PDE1A: variants seen among roughly 807,000 people sequenced by gnomAD.
PDE1A encodes phosphodiesterase 1A.
Under a neutral mutation model 61.7 loss-of-function variants are expected in PDE1A, and 35 were observed. That is an observed-to-expected ratio of 0.57 (90% CI 0.43 to 0.75). The LOEUF (loss-of-function observed/expected upper bound fraction) is 0.75, where lower values mean the gene tolerates loss of function less well. PDE1A is among the 30% of genes least tolerant of loss of function. PDE1A has a pLI of 0.00. For missense variants in PDE1A, 597 were observed against 630.6 expected (o/e 0.95, Z 0.57); for synonymous variants, 232 against 213.2 (o/e 1.09, Z -0.77).
chr2:182,577,185 G>A, the PDE1A span, among the ~76,000 whole-genome samples: 1 of 151,906 alleles, frequency 6.6e-6, no homozygotes. Flanking sequence ...AGAATCTGAA[G>A]CTTAGAATAT....
chr2:182,442,498 A>C (rs553785396), intron 2 of PDE1A, among the ~76,000 whole-genome samples: 14 of 152,216 alleles, frequency 9.2e-5, no homozygotes, highest in Admixed American at 1.3e-4. Flanking sequence ...GTATTAAATT[A>C]TTTGATTTCA....
At chr2:182,314,869 A>G (rs1696236247) in intron 1 of PDE1A, among the ~76,000 whole-genome samples, 1 of 152,170 alleles carries the variant, frequency 6.6e-6, no homozygotes, top group Non-Finnish European at 1.5e-5. Flanking sequence ...CGTTTTTAGA[A>G]AAAGAAACCT....
At chr2:182,218,553 C>T (rs1000615326) in intron 7 of PDE1A, among the ~76,000 whole-genome samples, 2 of 152,180 alleles carry the variant, frequency 1.3e-5, no homozygotes, top group African/African-American at 4.8e-5. Flanking sequence ...CCAACATCTT[C>T]CTAACTTTTA....
At position 182,441,123 on chromosome 2, in the gene PDE1A, G is replaced by A. The variant is rs574353923; in HGVS notation, c.101+81153C>T. ...CATCTTACATGGCAGCAGGCAAGAC[G>A]GCTTGTGCAGGAGAACTCCCATTTA... On this transcript the variant is annotated intron_variant, in intron 2 of 14. Transcript: ENST00000410103. Among the ~76,000 whole-genome samples, 6 of 152,050 alleles carry A rather than the reference G, an allele frequency of 3.9e-5. No homozygotes were observed. The South Asian group carries it at 1.0e-3, about 26-fold the overall frequency.
At chr2:182,650,017 T>A in the PDE1A span, among the ~76,000 whole-genome samples, 1 of 152,124 alleles carries the variant, frequency 6.6e-6, no homozygotes, top group East Asian at 1.9e-4. Flanking sequence ...AGTTTGAGGC[T>A]GCAGTGAGCT....
chr2:182,690,057 A>G, the PDE1A span, among the ~76,000 whole-genome samples: 1 of 152,156 alleles, frequency 6.6e-6, no homozygotes, highest in Non-Finnish European at 1.5e-5. Flanking sequence ...CAACCAAAAA[A>G]AGTCCAGGAC....
the PDE1A span, among the ~76,000 whole-genome samples, chr2:182,686,943 G>A: frequency 6.6e-6 from 1 of 152,088 alleles, no homozygotes; most frequent in African/African-American, 2.4e-5. Context: ...TAGCAAAGCA[G>A]TCTGAGATCA....
chr2:182,384,987 G>A (rs1700945955), intron 1 of PDE1A, among the ~76,000 whole-genome samples: 1 of 152,120 alleles, frequency 6.6e-6, no homozygotes, highest in South Asian at 2.1e-4. Flanking sequence ...ATCAACAGGA[G>A]CTTTACAGGC....
the PDE1A span, among the ~76,000 whole-genome samples, chr2:182,693,090 C>CA: frequency 6.6e-6 from 1 of 151,328 alleles, no homozygotes; most frequent in African/African-American, 2.4e-5. Flanking sequence ...ACCCTGTCTC[C>CA]AAAAAAATAA....
intron 2 of PDE1A, among the ~76,000 whole-genome samples, chr2:182,520,571 A>G (rs1298708060): frequency 1.3e-5 from 2 of 151,990 alleles, no homozygotes; most frequent in African/African-American, 4.8e-5. Flanking sequence ...TCTGAGACCA[A>G]CTGATACAGT....
At chr2:182,406,785 A>G (rs1220212912) in intron 1 of PDE1A, among the ~76,000 whole-genome samples, 1 of 152,130 alleles carries the variant, frequency 6.6e-6, no homozygotes. Flanking sequence ...ATTTTTTAAA[A>G]CTACAGATAT....
chr2:182,168,272 T>G (rs756086084), exon 14 of PDE1A: 2 of 1,596,946 alleles, frequency 1.3e-6, no homozygotes, highest in Admixed American at 1.8e-5. Context: ...CTCACACTTC[T>G]GTGAACTGGT....
the PDE1A span, among the ~76,000 whole-genome samples, chr2:182,542,762 A>T: frequency 1.3e-5 from 2 of 152,316 alleles, no homozygotes. Flanking sequence ...GGCGTATTAA[A>T]GCCAATTGTC....
chr2:182,230,036 C>T (rs770926735), exon 6 of PDE1A: 1 of 1,612,930 alleles, frequency 6.2e-7, no homozygotes, highest in Non-Finnish European at 8.5e-7. Context: ...TTATGTAATG[C>T]ACAGTTTGAG....
chr2:182,354,388 T>G (rs762328770), intron 1 of PDE1A, among the ~76,000 whole-genome samples: 4 of 152,146 alleles, frequency 2.6e-5, no homozygotes, highest in Non-Finnish European at 4.4e-5. Context: ...AGTTTCCCCT[T>G]AAATTAGGAA....
chr2:182,159,047 A>C (rs1416305376), intron 13 of PDE1A, among the ~76,000 whole-genome samples: 1 of 152,214 alleles, frequency 6.6e-6, no homozygotes, highest in East Asian at 1.9e-4. Context: ...GGGAAGCTGA[A>C]GAGTTTGGGC....
At chr2:182,523,386 T>C (rs2125994418), upstream of PDE1A, among the ~76,000 whole-genome samples, 1 of 152,090 alleles carries the variant, frequency 6.6e-6, no homozygotes, top group East Asian at 1.9e-4. Flanking sequence ...AGAGTGGACA[T>C]AAAAGGAATC....
the PDE1A span, among the ~76,000 whole-genome samples, chr2:182,568,644 G>A: frequency 6.6e-6 from 1 of 152,172 alleles, no homozygotes; most frequent in African/African-American, 2.4e-5. Context: ...CAGCCTGGGT[G>A]ACACAGTGAG....
rs764049601 is a variant in PDE1A at position 182,168,236 on chromosome 2, C to T, written c.*11G>A. 22 of 1,582,258 alleles carry T rather than the reference C, an allele frequency of 1.4e-5. No homozygotes were observed. The East Asian group carries it at 1.6e-4, about 11-fold the overall frequency. On this transcript the variant is annotated 3_prime_UTR_variant, in exon 14 of 14. Coordinates refer to ENST00000351439, the Ensembl canonical transcript of PDE1A. The stretch of plus-strand genomic sequence containing the variant: ...AGCTGCCACCATGCACGAGGTTTTA[C>T]TTAAAGGTGTTTACTGATGAATAAA...
Sources: allele counts gnomAD v4.1 joint callset (sites outside exome capture counted in the v4.1 genomes callset), GRCh38; gene constraint gnomAD v4.1.1; transcripts MANE v1.5; gene names NCBI Gene and HGNC (gene_info 2026-07-23, HGNC 2026-07-21).